Variants in CCDC148 observed in about 807,000 individuals in gnomAD.
CCDC148 encodes the protein coiled-coil domain containing 148, also known as coiled-coil domain-containing protein 148.
CCDC148 carries 89 observed loss-of-function variants against 85.7 expected under a neutral mutation model. That is an observed-to-expected ratio of 1.04 (90% CI 0.87 to 1.24). The LOEUF (loss-of-function observed/expected upper bound fraction) is 1.24. Ranked by LOEUF, CCDC148 falls within the 50% of genes most tolerant of loss-of-function variation. CCDC148 has a pLI of 0.00. For missense variants in CCDC148, 692 were observed against 671.7 expected, an observed-to-expected ratio of 1.03 and a Z score of -0.33; for synonymous variants, 230 against 213.9, an observed-to-expected ratio of 1.08 and a Z score of -0.66.
intron 5 of CCDC148, among the ~76,000 whole-genome samples, 168 bp from the exon 6 acceptor site, chr2:158,339,253 T>C (rs1330528487): frequency 6.6e-6 from 1 of 152,060 alleles, no homozygotes; most frequent in Non-Finnish European, 1.5e-5. Context: ...ATCAGACAAA[T>C]GAGCTGTGAT....
chr2:158,392,642 A>G (rs1335636816), intron 1 of CCDC148, among the ~76,000 whole-genome samples: 1 of 152,048 alleles, frequency 6.6e-6, no homozygotes, highest in East Asian at 1.9e-4. Flanking sequence ...AATTATCATA[A>G]ATTATTTGCA....
intron 4 of CCDC148, 33 bp downstream of exon 4, chr2:158,340,565 T>C: frequency 1.3e-6 from 2 of 1,481,948 alleles, no homozygotes; most frequent in Non-Finnish European, 1.8e-6. Context: ...AAAATAAAAC[T>C]CCCCTTTAAA....
intron 5 of CCDC148, 62 bp downstream of exon 5, chr2:158,340,180 A>T: frequency 6.7e-7 from 1 of 1,487,638 alleles, no homozygotes. Flanking sequence ...CTTATCTCAA[A>T]CTCTTCTAGT....
At chr2:158,430,085 G>A (rs932623730) in intron 1 of CCDC148, among the ~76,000 whole-genome samples, 1 of 152,190 alleles carries the variant, frequency 6.6e-6, no homozygotes, top group African/African-American at 2.4e-5. Flanking sequence ...GACGAAAGTA[G>A]TACAAATCCC....
intron 1 of CCDC148, among the ~76,000 whole-genome samples, chr2:158,442,005 C>A (rs1687954588): frequency 6.6e-6 from 1 of 152,084 alleles, no homozygotes; most frequent in South Asian, 2.1e-4. Flanking sequence ...CTACATACTT[C>A]AATATTGAGG....
rs1558992799 is a variant in CCDC148, at chr2:158,220,619, T to A, written c.1346A>T (p.Glu449Val). The A allele has an allele frequency of 3.7e-6, 6 of 1,605,230 alleles. No individual in the cohort carries two copies. Among genetic ancestry groups the A allele is most frequent in the Non-Finnish European group, 3.4e-6 (4 of 1,177,728 alleles). ...RLEELKKLIA[E>V]QSLKDRERVK... ...CCTTTCTCTGTCTTTTAGTGACTGT[T>A]CAGCGATTAATTTCTTCAGTTCTTC... The change falls in exon 11 of 14, where the codon GAA becomes GTA. Residue 449 changes from glutamate (E) to valine (V), a missense_variant. Coordinates refer to ENST00000283233, the MANE Select transcript of CCDC148 (RefSeq NM_138803.4).
chr2:158,263,429 T>G (rs1689319011), intron 9 of CCDC148, among the ~76,000 whole-genome samples: 1 of 152,068 alleles, frequency 6.6e-6, no homozygotes, highest in African/African-American at 2.4e-5. Flanking sequence ...CCACTTTACA[T>G]GTGTATCCCA....
At chr2:158,333,271 G>A (rs1693243355) in intron 7 of CCDC148, among the ~76,000 whole-genome samples, 2 of 152,068 alleles carry the variant, frequency 1.3e-5, no homozygotes, top group African/African-American at 2.4e-5. Flanking sequence ...CCTTGATTTT[G>A]TTATTTACCC....
At chr2:158,314,778 T>G (rs1009184925) in intron 7 of CCDC148, among the ~76,000 whole-genome samples, 1 of 152,246 alleles carries the variant, frequency 6.6e-6, no homozygotes, top group Non-Finnish European at 1.5e-5. Context: ...TAGCAACAAA[T>G]ACTTCTTAAT....
intron 1 of CCDC148, among the ~76,000 whole-genome samples, chr2:158,395,908 A>G (rs1299249206): frequency 6.6e-6 from 1 of 152,266 alleles, no homozygotes; most frequent in East Asian, 1.9e-4. Flanking sequence ...TTAAGAATAC[A>G]ATCATTATTA....
chr2:158,377,300 T>C (rs1684694721), intron 1 of CCDC148, among the ~76,000 whole-genome samples: 1 of 151,686 alleles, frequency 6.6e-6, no homozygotes, highest in Non-Finnish European at 1.5e-5. Context: ...GGGGTACAAA[T>C]TACCATGTAA....
intron 11 of CCDC148, among the ~76,000 whole-genome samples, chr2:158,196,672 C>G (rs571823033): frequency 6.6e-6 from 1 of 152,228 alleles, no homozygotes; most frequent in Non-Finnish European, 1.5e-5. Flanking sequence ...ACCTGAATAA[C>G]GTTCACACTG....
chr2:158,302,384 A>G (rs1691484475), intron 9 of CCDC148, among the ~76,000 whole-genome samples: 1 of 152,130 alleles, frequency 6.6e-6, no homozygotes, highest in African/African-American at 2.4e-5. Flanking sequence ...TGGGCAAACT[A>G]AGGACAGGAT....
intron 7 of CCDC148, among the ~76,000 whole-genome samples, chr2:158,330,135 G>A (rs1473185998): frequency 5.9e-5 from 9 of 152,112 alleles, no homozygotes; most frequent in South Asian, 2.1e-4. Context: ...TATGATATTG[G>A]CTGTGGGTTT....
At chr2:158,215,440 G>A (rs1298491665) in intron 11 of CCDC148, among the ~76,000 whole-genome samples, 1 of 152,166 alleles carries the variant, frequency 6.6e-6, no homozygotes, top group African/African-American at 2.4e-5. Context: ...TGCTTGTCAA[G>A]CTGTATGCCA....
At chr2:158,362,041 C>T (rs6737038) in intron 1 of CCDC148, among the ~76,000 whole-genome samples, 26,166 of 142,224 alleles carry the variant, frequency 0.18, 3,806 homozygotes, top group African/African-American at 0.41. Flanking sequence ...TAGTCTCTGA[C>T]ATAACAGACT....
chr2:158,208,948 TA>T (rs1686402262), intron 11 of CCDC148, among the ~76,000 whole-genome samples: 1 of 152,084 alleles, frequency 6.6e-6, no homozygotes, highest in South Asian at 2.1e-4. Flanking sequence ...TATTAGAATA[TA>T]TTTTTTAAAA....
chr2:158,260,900 T>C (rs1689194508), intron 9 of CCDC148, among the ~76,000 whole-genome samples: 1 of 152,030 alleles, frequency 6.6e-6, no homozygotes, highest in African/African-American at 2.4e-5. Context: ...ACCATGCTCA[T>C]GGATAGGAAG....
chr2:158,232,894 T>G (rs1037120596), intron 10 of CCDC148, among the ~76,000 whole-genome samples: 2 of 152,138 alleles, frequency 1.3e-5, no homozygotes, highest in Non-Finnish European at 2.9e-5. Flanking sequence ...AGAGAAGTTG[T>G]TTCATGCATA....
Sources: allele counts gnomAD v4.1 joint callset (sites outside exome capture counted in the v4.1 genomes callset), GRCh38; gene constraint gnomAD v4.1.1; transcripts MANE v1.5; gene names NCBI Gene and HGNC (gene_info 2026-07-23, HGNC 2026-07-21).